Variants in CHIC1 observed in about 807,000 individuals in gnomAD.
CHIC1 encodes the protein cysteine-rich hydrophobic domain-containing protein 1.
Under a neutral mutation model 18.5 loss-of-function variants are expected in CHIC1, and 7 were observed. That is an observed-to-expected ratio of 0.38 (90% CI 0.22 to 0.71). CHIC1 has a LOEUF of 0.71. CHIC1 is among the 30% of genes least tolerant of loss of function. CHIC1 has a pLI of 0.49. For synonymous variants in CHIC1, 77 were observed against 73.5 expected (o/e 1.05, Z -0.25); for missense variants, 159 against 176.9 (o/e 0.90, Z 0.57).
rs537115962 is a variant in CHIC1 at position 73,638,950 on chromosome X, A to G, written c.508-40376A>G. The stretch of plus-strand genomic sequence containing the variant: ...GTTGATGGGCATTTAGGTTGATTCC[A>G]TGTCCTTGCTATTGTCAGCAGTACT... On this transcript the variant is annotated intron_variant, in intron 3 of 5. Coordinates refer to ENST00000373502, the MANE Select transcript of CHIC1 (RefSeq NM_001039840.4). 5.4e-5 allele frequency among the ~76,000 whole-genome samples: 6 copies of G among 111,938 alleles called. No individual in the cohort carries two copies. In the South Asian group the frequency reaches 2.3e-3, roughly 42 times the overall value.
intron 3 of CHIC1, among the ~76,000 whole-genome samples, chrX:73,619,755 C>A (rs190370499): frequency 9.0e-6 from 1 of 111,204 alleles, no homozygotes; most frequent in East Asian, 2.8e-4. Context: ...ATGTGCAGAT[C>A]GTGCAGGTTT....
chrX:73,671,023 A>G (rs774459481), intron 3 of CHIC1, among the ~76,000 whole-genome samples: 5 of 111,917 alleles, frequency 4.5e-5, no homozygotes, highest in Non-Finnish European at 7.5e-5. Context: ...TATTAGGTCT[A>G]TTTGGTCTAT....
intron 3 of CHIC1, among the ~76,000 whole-genome samples, chrX:73,592,609 G>A (rs2057587250): frequency 1.8e-5 from 2 of 110,625 alleles, no homozygotes; most frequent in Non-Finnish European, 3.8e-5. Context: ...CAGATTGCTA[G>A]TATTTGTTGG....
At chrX:73,616,254 G>C (rs1324763927) in intron 3 of CHIC1, among the ~76,000 whole-genome samples, 1 of 111,406 alleles carries the variant, frequency 9.0e-6, no homozygotes, top group Non-Finnish European at 1.9e-5. Context: ...TAAGCATCTA[G>C]GGGCTCTCCT....
intron 3 of CHIC1, among the ~76,000 whole-genome samples, chrX:73,673,068 G>A (rs1166487191): frequency 1.8e-5 from 2 of 111,165 alleles, no homozygotes; most frequent in Non-Finnish European, 3.8e-5. Context: ...GGAGATGTGC[G>A]GCATTATTTC....
intron 1 of CHIC1, among the ~76,000 whole-genome samples, chrX:73,569,311 A>G (rs761949958): frequency 9.0e-6 from 1 of 111,550 alleles, no homozygotes; most frequent in South Asian, 3.7e-4. Flanking sequence ...GGTGAGAGGT[A>G]TAGGGAGGGA....
chrX:73,566,491 C>A (rs1192189107), intron 1 of CHIC1, among the ~76,000 whole-genome samples: 1 of 110,055 alleles, frequency 9.1e-6, no homozygotes, highest in Non-Finnish European at 1.9e-5. Context: ...ACCAGGCCTC[C>A]CATCTCTCCA....
At chrX:73,569,939 T>G (rs1452152930) in intron 1 of CHIC1, among the ~76,000 whole-genome samples, 1 of 111,524 alleles carries the variant, frequency 9.0e-6, no homozygotes, top group Non-Finnish European at 1.9e-5. Context: ...CCATTTCTAA[T>G]ATACTTTTTA....
At chrX:73,592,307 A>G (rs2057585925) in intron 3 of CHIC1, among the ~76,000 whole-genome samples, 1 of 111,285 alleles carries the variant, frequency 9.0e-6, no homozygotes, top group Non-Finnish European at 1.9e-5. Context: ...AAATGGTTCC[A>G]GCTTTTGCCT....
At chrX:73,659,065 A>G (rs2147616513) in intron 3 of CHIC1, among the ~76,000 whole-genome samples, 1 of 111,945 alleles carries the variant, frequency 8.9e-6, no homozygotes, top group East Asian at 2.8e-4. Flanking sequence ...AGGTTTAATG[A>G]CAAAGGCTTT....
intron 3 of CHIC1, among the ~76,000 whole-genome samples, chrX:73,594,952 A>G (rs1262560333): frequency 2.7e-5 from 3 of 111,964 alleles, no homozygotes; most frequent in Admixed American, 9.5e-5. Context: ...ATGGCTTAAT[A>G]GCATTCTATT....
At chrX:73,585,213 A>G (rs1032335242) in intron 3 of CHIC1, among the ~76,000 whole-genome samples, 2 of 111,917 alleles carry the variant, frequency 1.8e-5, no homozygotes, top group South Asian at 3.7e-4. Flanking sequence ...TTTAAATAAT[A>G]AGTAGCCAAT....
At chrX:73,630,644 A>G (rs1471361080) in intron 3 of CHIC1, among the ~76,000 whole-genome samples, 2 of 111,460 alleles carry the variant, frequency 1.8e-5, no homozygotes, top group East Asian at 5.6e-4. Flanking sequence ...GTTTGCTGAT[A>G]TTGTGTTCAA....
At chrX:73,605,700 T>C (rs1248543069) in intron 3 of CHIC1, among the ~76,000 whole-genome samples, 1 of 108,844 alleles carries the variant, frequency 9.2e-6, no homozygotes, top group African/African-American at 3.6e-5. Context: ...GATGACAGAA[T>C]CTCTCGGCAT....
At chrX:73,570,146 G>T (rs2057463954) in intron 1 of CHIC1, among the ~76,000 whole-genome samples, 1 of 111,601 alleles carries the variant, frequency 9.0e-6, no homozygotes, top group Non-Finnish European at 1.9e-5. Flanking sequence ...AGGAATAAAA[G>T]ACAACATTTT....
intron 3 of CHIC1, among the ~76,000 whole-genome samples, chrX:73,676,310 A>T (rs899116260): frequency 8.9e-6 from 1 of 111,799 alleles, no homozygotes; most frequent in Admixed American, 9.4e-5. Flanking sequence ...TCTCCTGGAG[A>T]ATATCCTGGA....
chrX:73,638,537 A>T (rs933514828), intron 3 of CHIC1, among the ~76,000 whole-genome samples: 1 of 111,232 alleles, frequency 9.0e-6, no homozygotes, highest in African/African-American at 3.3e-5. Flanking sequence ...TTAAAAAAAA[A>T]ATATTTTAGG....
intron 3 of CHIC1, among the ~76,000 whole-genome samples, chrX:73,671,727 G>T: frequency 9.6e-6 from 1 of 104,033 alleles, no homozygotes; most frequent in Admixed American, 1.0e-4. Flanking sequence ...TTTTCTATTA[G>T]TATTTATTTA....
intron 3 of CHIC1, among the ~76,000 whole-genome samples, chrX:73,668,638 C>T (rs1489380399): frequency 1.8e-5 from 2 of 111,415 alleles, no homozygotes; most frequent in African/African-American, 6.5e-5. Flanking sequence ...GCTCTAGACC[C>T]TAGTTGCCTC....
Sources: allele counts gnomAD v4.1 joint callset (sites outside exome capture counted in the v4.1 genomes callset), GRCh38; gene constraint gnomAD v4.1.1; transcripts MANE v1.5; gene names NCBI Gene and HGNC (gene_info 2026-07-23, HGNC 2026-07-21).